Variants in POU2F2 observed in about 807,000 individuals in gnomAD.
POU2F2 encodes POU domain, class 2, transcription factor 2.
A neutral mutation model predicts 63.5 loss-of-function variants in POU2F2; 14 were observed. The observed-to-expected ratio is 0.22, with a 90% CI of 0.15 to 0.34. The LOEUF (loss-of-function observed/expected upper bound fraction) is 0.34, where lower values mean the gene tolerates loss of function less well. POU2F2 is among the 10% of genes least tolerant of loss of function. The pLI is 1.00. For missense variants in POU2F2, 607 were observed against 815.2 expected (o/e 0.74, Z 3.11); for synonymous variants, 306 against 348.6 (o/e 0.88, Z 1.36).
intron 14 of POU2F2, 105 bp downstream of exon 14, chr19:42,091,762 G>A: frequency 6.5e-7 from 1 of 1,548,924 alleles, no homozygotes; most frequent in Non-Finnish European, 8.7e-7. Context: ...GGCAAGCAAT[G>A]CAGTGAGCAG....
Position 42,154,744 on chromosome 19 carries a change from C to T in POU2F2, c.-9+5588G>A, listed in dbSNP as rs186556611. 4.6e-5 allele frequency among the ~76,000 whole-genome samples: 7 copies of T among 151,816 alleles called. No homozygotes were observed. The East Asian group carries it at 7.7e-4, about 17-fold the overall frequency. ...CTAGAGAGAAACTGAAAGGGGATCA[C>T]GTCCAAAGTGATGTCTCTCACACAC... On this transcript the variant is annotated intron_variant, in intron 2 of 6. Transcript: ENST00000524801.
rs772224916 is a variant in POU2F2, at chr19:42,091,380, C to G, written c.1752G>C (p.Lys584Asn). The G allele has an allele frequency of 2.6e-6, 4 of 1,542,324 alleles. No homozygotes were observed. In the South Asian group the frequency reaches 4.8e-5, roughly 18 times the overall value. ...AAAVAASISS[K>N]SPGLSSSSSS... ...AGGATGAGGAGGAGAGGCCAGGAGA[C>G]TTGCTGGAGATGGAGGCTGCCACAG... is the stretch of plus-strand genomic sequence containing the variant. Residue 584 changes from lysine to asparagine, a missense_variant, in exon 15 of 15, where the codon AAG (lysine) becomes AAC (asparagine). Physicochemically the swap from Lys to Asn is moderately conservative, Grantham distance 94 (BLOSUM62 0). This residue lies in a region of POU2F2 where 270 missense variants were observed against 307.5 expected (regional missense o/e 0.88). Coordinates refer to ENST00000692977, the MANE Select transcript of POU2F2 (RefSeq NM_001394376.1).
chr19:42,131,110 C>T, intron 1 of POU2F2, among the ~76,000 whole-genome samples: 1 of 141,908 alleles, frequency 7.0e-6, no homozygotes, highest in Non-Finnish European at 1.5e-5. Flanking sequence ...CAGCCCTGAC[C>T]CTTCTGCCTG....
chr19:42,149,159 G>A (rs184097608), intron 2 of POU2F2, among the ~76,000 whole-genome samples: 68 of 152,210 alleles, frequency 4.5e-4, no homozygotes, highest in African/African-American at 1.6e-3. Context: ...GGAGTAGCTC[G>A]CTTTTCAGGG....
chr19:42,128,561 A>G (rs1478948171), intron 1 of POU2F2, among the ~76,000 whole-genome samples: 1 of 152,144 alleles, frequency 6.6e-6, no homozygotes, highest in African/African-American at 2.4e-5. Flanking sequence ...GGGTCAGATC[A>G]TTTCCACCAG....
At chr19:42,111,465 T>G (rs899618529) in intron 5 of POU2F2, among the ~76,000 whole-genome samples, 7 of 152,160 alleles carry the variant, frequency 4.6e-5, no homozygotes, top group African/African-American at 1.4e-4. Context: ...GCCCAGATAC[T>G]CTGCTGAGCT....
chr19:42,140,540 C>G (rs935060628), intron 2 of POU2F2, among the ~76,000 whole-genome samples: 3 of 152,172 alleles, frequency 2.0e-5, no homozygotes, highest in African/African-American at 7.2e-5. Context: ...TGCCAGCCCC[C>G]TTGAATGCTG....
Position 42,090,970 on chromosome 19 carries a change from GT to G in POU2F2, c.*286del, listed in dbSNP as rs750309216. The G allele has an allele frequency of 0.026, 5,229 of 204,210 alleles. No homozygotes were observed. The highest frequency in any genetic ancestry group is 0.04 in the East Asian group (415 of 10,410). The allele number at this position is 204,210 out of a possible 1,614,324, so 12.6% of individuals were successfully genotyped here. On this transcript the variant is annotated 3_prime_UTR_variant, in exon 15 of 15. Transcript: ENST00000692977. The surrounding 1 kb of genome is among the most constrained non-coding windows in gnomAD (Gnocchi z 4.4). The stretch of plus-strand genomic sequence containing the variant: ...TTTTTTGGTTTGTTTGATTTTGTGG[GT>G]TTTTTTTTTTTTTGGTTTGTTTTTG...
chr19:42,185,557 TCTG>T (rs2035003805), intron 1 of POU2F2, among the ~76,000 whole-genome samples: 1 of 152,182 alleles, frequency 6.6e-6, no homozygotes, highest in South Asian at 2.1e-4. Context: ...CTTCCTTGAA[TCTG>T]CCCTTAACCT....
intron 1 of POU2F2, among the ~76,000 whole-genome samples, chr19:42,174,725 G>C (rs1169992720): frequency 1.3e-5 from 2 of 151,670 alleles, no homozygotes; most frequent in East Asian, 3.9e-4. Flanking sequence ...GTCTGACTCT[G>C]TACCCACCAG....
chr19:42,160,894 G>A (rs2034539939), intron 1 of POU2F2, among the ~76,000 whole-genome samples: 1 of 152,166 alleles, frequency 6.6e-6, no homozygotes, highest in African/African-American at 2.4e-5. Context: ...ATGTGCTCTG[G>A]GGAGATTAAA....
chr19:42,181,868 G>T (rs2034964539), intron 1 of POU2F2, among the ~76,000 whole-genome samples: 1 of 152,164 alleles, frequency 6.6e-6, no homozygotes, highest in African/African-American at 2.4e-5. Context: ...TTACAGGCGT[G>T]AGCCAACACT....
intron 7 of POU2F2, among the ~76,000 whole-genome samples, chr19:42,098,967 T>C (rs750792871): frequency 6.6e-6 from 1 of 152,192 alleles, no homozygotes; most frequent in Non-Finnish European, 1.5e-5. Context: ...AGCCACCACG[T>C]AGACACAGGT....
At chr19:42,098,412 CA>C (rs1218709430) in intron 7 of POU2F2, among the ~76,000 whole-genome samples, 2,208 of 56,320 alleles carry the variant, frequency 0.039, 18 homozygotes, top group Non-Finnish European at 0.049. Flanking sequence ...GACTCCATCT[CA>C]AAAAAAAAAA....
intron 4 of POU2F2, among the ~76,000 whole-genome samples, chr19:42,119,673 A>C (rs2032354448): frequency 6.6e-6 from 1 of 152,228 alleles, no homozygotes; most frequent in African/African-American, 2.4e-5. Flanking sequence ...CTCCGCCTCA[A>C]AAATCGCTTG....
intron 1 of POU2F2, among the ~76,000 whole-genome samples, chr19:42,163,077 C>A (rs1256999914): frequency 2.6e-5 from 4 of 152,132 alleles, no homozygotes; most frequent in Non-Finnish European, 4.4e-5. Context: ...GGGGGCACCT[C>A]TATCTGATTG....
rs535456169 is a variant in POU2F2, at chr19:42,122,069, C to T, written c.186+57G>A. 7.2e-6 allele frequency: 11 copies of T among 1,533,154 alleles called. No individual in the cohort carries two copies. The East Asian group carries it at 1.8e-4, about 25-fold the overall frequency. The allele number at this position is 1,533,154 out of a possible 1,614,324, so 95.0% of individuals were successfully genotyped here. On this transcript the variant is annotated intron_variant, in intron 4 of 14. Coordinates refer to ENST00000692977, the MANE Select transcript of POU2F2 (RefSeq NM_001394376.1). ...CAGCCCTTGGACTGAGGCAGGCCTC[C>T]TGAGGACCCTCTTCCAAGCGCTGCC...
At chr19:42,094,031 ACATG>A (rs1431159066) in intron 11 of POU2F2, 136 bp from the exon 12 acceptor site, 3 of 660,000 alleles carry the variant, frequency 4.5e-6, no homozygotes, top group Non-Finnish European at 7.7e-6. Context: ...GTATTATTCC[ACATG>A]CTTTCTTCAC....
intron 1 of POU2F2, among the ~76,000 whole-genome samples, chr19:42,189,419 G>C (rs906126806): frequency 6.6e-6 from 1 of 152,142 alleles, no homozygotes; most frequent in Non-Finnish European, 1.5e-5. Context: ...GATTTATGTT[G>C]TACCCAGGGC....
Sources: gnomAD v4.1 joint callset for allele counts (sites outside exome capture counted in the v4.1 genomes callset) on GRCh38, gnomAD v4.1.1 for gene constraint, gnomAD v4.1.1 regional missense constraint, Gnocchi (gnomAD v3.1) non-coding constraint, MANE v1.5 for transcripts, NCBI Gene and HGNC (gene_info 2026-07-23, HGNC 2026-07-21) for gene names.